The following ADAMTS12 variants were observed in gnomAD, a reference collection of about 807,000 sequenced individuals.
ADAMTS12 encodes the protein ADAM metallopeptidase with thrombospondin type 1 motif 12, also known as A disintegrin and metalloproteinase with thrombospondin motifs 12.
Under a neutral mutation model 167.8 loss-of-function variants are expected in ADAMTS12, and 118 were observed. The observed-to-expected ratio is 0.70, with a 90% CI of 0.61 to 0.82. The LOEUF (loss-of-function observed/expected upper bound fraction) is 0.82, where lower values mean the gene tolerates loss of function less well. Ranked by LOEUF, ADAMTS12 falls within the 40% of genes least tolerant of loss-of-function variation. The probability of loss-of-function intolerance (pLI) is 0.00; values close to 1 mark genes in which losing one functional copy is unlikely to be tolerated. For synonymous variants in ADAMTS12, 704 were observed against 716.9 expected (o/e 0.98, Z 0.29); for missense variants, 1,916 against 1,998.8 (o/e 0.96, Z 0.79).
Position 33,527,035 on chromosome 5 carries a change from G to T in ADAMTS12, c.*153C>A. On this transcript the variant is annotated 3_prime_UTR_variant, in exon 24 of 24. Coordinates refer to ENST00000504830, the MANE Select transcript of ADAMTS12 (RefSeq NM_030955.4). The stretch of plus-strand genomic sequence containing the variant: ...AGGCCTCCTGTGAGGGACATTCGGT[G>T]GCTAGAGGAACACAATGGATTTTGT... The T allele has an allele frequency of 4.0e-6, 4 of 1,002,634 alleles. No individual in the cohort carries two copies. The South Asian group carries it at 5.0e-5, about 12-fold the overall frequency. 62.1% of individuals were successfully genotyped at this position (1,002,634 alleles called of 1,614,324 possible).
intron 22 of ADAMTS12, among the ~76,000 whole-genome samples, chr5:33,544,711 A>T (rs1291126449): frequency 6.6e-6 from 1 of 152,204 alleles, no homozygotes; most frequent in African/African-American, 2.4e-5. Flanking sequence ...AACACCACAC[A>T]TCTACAACCA....
At chr5:33,564,650 G>A (rs1378662785) in intron 19 of ADAMTS12, among the ~76,000 whole-genome samples, 1 of 152,148 alleles carries the variant, frequency 6.6e-6, no homozygotes, top group Non-Finnish European at 1.5e-5. Context: ...TGGTAACCCA[G>A]GTCCTTCACT....
chr5:33,621,399 C>CAAAAAA (rs202182365), intron 14 of ADAMTS12, among the ~76,000 whole-genome samples: 3 of 82,114 alleles, frequency 3.7e-5, no homozygotes, highest in Non-Finnish European at 7.6e-5. Flanking sequence ...GACTCCATCT[C>CAAAAAA]AAAAAAAAAA....
At chr5:33,817,711 T>A (rs529658870) in intron 2 of ADAMTS12, among the ~76,000 whole-genome samples, 8 of 151,506 alleles carry the variant, frequency 5.3e-5, no homozygotes, top group South Asian at 4.2e-4. Flanking sequence ...GATTCTCTTT[T>A]AAAAAAAAAT....
chr5:33,712,739 A>C (rs1743448218), intron 3 of ADAMTS12, among the ~76,000 whole-genome samples: 1 of 152,180 alleles, frequency 6.6e-6, no homozygotes, highest in African/African-American at 2.4e-5. Flanking sequence ...CAAACCTCAC[A>C]ACTCTTCAGC....
At chr5:33,755,956 C>G (rs1223834095) in intron 2 of ADAMTS12, among the ~76,000 whole-genome samples, 1 of 152,104 alleles carries the variant, frequency 6.6e-6, no homozygotes, top group Admixed American at 6.5e-5. Flanking sequence ...CACCTGTTCC[C>G]CATCATATAG....
chr5:33,838,690 A>T (rs1047998732), intron 2 of ADAMTS12, among the ~76,000 whole-genome samples: 8 of 152,162 alleles, frequency 5.3e-5, no homozygotes, highest in Non-Finnish European at 1.5e-5. Flanking sequence ...ACAGACGAAA[A>T]AAAGAAAGAA....
chr5:33,649,404 G>T, intron 8 of ADAMTS12, 150 bp downstream of exon 8: 1 of 966,814 alleles, frequency 1.0e-6, no homozygotes, highest in Non-Finnish European at 1.5e-6. Context: ...ATGCAGAAGT[G>T]AAATCCGCCC....
At chr5:33,839,771 G>A (rs1297963671) in intron 2 of ADAMTS12, among the ~76,000 whole-genome samples, 2 of 152,114 alleles carry the variant, frequency 1.3e-5, no homozygotes, top group African/African-American at 2.4e-5. Flanking sequence ...TCACTGAAAC[G>A]CAAGCAATAC....
rs1274376572 is a variant in ADAMTS12 at position 33,614,272 on chromosome 5, G to A, written c.2493C>T (p.Gly831=). 4.3e-6 allele frequency: 7 copies of A among 1,613,850 alleles called. No individual in the cohort carries two copies. The Admixed American group carries it at 1.2e-4, about 27-fold the overall frequency. The change falls in exon 16 of 24, where the codon GGC becomes GGT. Residue 831 remains glycine (G), a synonymous_variant. Transcript: ENST00000504830. ...AGGTCACACTGCACTCTGTCCAGTG[G>A]CCGTACTGCCAGAAGTACATCTGCT... ...VEQQMYFWQY[G]HWTECSVTCG...
intron 1 of ADAMTS12, among the ~76,000 whole-genome samples, chr5:33,890,200 G>C (rs556214538): frequency 6.6e-6 from 1 of 152,296 alleles, no homozygotes; most frequent in South Asian, 2.1e-4. Flanking sequence ...ACCAACCCAG[G>C]AGAATGTGTG....
chr5:33,750,397 G>A (rs1294406477), intron 3 of ADAMTS12, among the ~76,000 whole-genome samples: 1 of 152,162 alleles, frequency 6.6e-6, no homozygotes, highest in African/African-American at 2.4e-5. Context: ...ATAGGGACTG[G>A]GTGAAGTCTG....
chr5:33,588,026 C>A (rs961156721), intron 18 of ADAMTS12, among the ~76,000 whole-genome samples: 4 of 152,170 alleles, frequency 2.6e-5, no homozygotes, highest in African/African-American at 9.7e-5. Flanking sequence ...TTCCAGCTTA[C>A]TGATTTCCAA....
In ADAMTS12 at chr5:33,891,582, G is replaced by A. The variant is rs565147798; in HGVS notation, c.127+148C>T. On this transcript the variant is annotated intron_variant, in intron 1 of 23. Transcript: ENST00000504830. Reference sequence around the variant, plus strand: ...GAATTCTGAGAAAGCCTAGGCTCCTGAGGTCCCAGCCCAGATTTCCTTACA... The same window carrying A: ...GAATTCTGAGAAAGCCTAGGCTCCTAAGGTCCCAGCCCAGATTTCCTTACA... 1.5e-5 allele frequency: 18 copies of A among 1,188,308 alleles called. No individual in the cohort carries two copies. In the East Asian group the frequency reaches 4.3e-4, roughly 28 times the overall value. The allele number at this position is 1,188,308 out of a possible 1,614,324, so 73.6% of individuals were successfully genotyped here.
rs1034611776 is a variant in ADAMTS12 at position 33,525,135 on chromosome 5, G to A, written c.*2053C>T. 5.3e-5 allele frequency: 8 copies of A among 152,170 alleles called. No individual in the cohort carries two copies. The highest frequency in any genetic ancestry group is 8.8e-5 in the Non-Finnish European group (6 of 68,032). The allele number at this position is 152,170 out of a possible 1,614,324, so 9.4% of individuals were successfully genotyped here. ...CTGAAAGACTACACTACACTTCAGG[G>A]ACAGTCTTTGCAAACTGCCTCATTA... On this transcript the variant is annotated 3_prime_UTR_variant, in exon 24 of 24. Transcript: ENST00000504830.
At chr5:33,742,368 C>T (rs1744620496) in intron 3 of ADAMTS12, among the ~76,000 whole-genome samples, 1 of 149,622 alleles carries the variant, frequency 6.7e-6, no homozygotes, top group Non-Finnish European at 1.5e-5. Flanking sequence ...ATGTGTGAGA[C>T]TTCCAGCTGC....
chr5:33,637,738 A>G lies in ADAMTS12; in HGVS notation c.1727T>C (p.Phe576Ser). The change falls in exon 12 of 24, where the codon TTT becomes TCT. Residue 576 changes from phenylalanine to serine, a missense_variant. Transcript: ENST00000504830. ...TTCTCCAGTGCAATATTTCCCTCCA[A>G]ACTTTGGCCTGCAAATGAAACAGAC... ...ERLCNNPEPK[F>S]GGKYCTGERK... The G allele has an allele frequency of 1.9e-6, 3 of 1,612,480 alleles. No individual in the cohort carries two copies. Among genetic ancestry groups the G allele is most frequent in the East Asian group, 4.5e-5 (2 of 44,816 alleles).
At chr5:33,596,510 C>T (rs769328415) in intron 16 of ADAMTS12, among the ~76,000 whole-genome samples, 2 of 152,082 alleles carry the variant, frequency 1.3e-5, no homozygotes, top group Non-Finnish European at 2.9e-5. Flanking sequence ...GGTGAAACCC[C>T]ATCTCTACTA....
chr5:33,593,706 G>C (rs1271221206), intron 17 of ADAMTS12, among the ~76,000 whole-genome samples: 2 of 151,956 alleles, frequency 1.3e-5, no homozygotes, highest in African/African-American at 2.4e-5. Context: ...GGGTGGGAGA[G>C]CATTAGGACA....
Sources: allele counts gnomAD v4.1 joint callset (sites outside exome capture counted in the v4.1 genomes callset), GRCh38; gene constraint gnomAD v4.1.1; transcripts MANE v1.5; gene names NCBI Gene and HGNC (gene_info 2026-07-23, HGNC 2026-07-21).